The following SNTG2 variants were observed in gnomAD, a reference collection of about 807,000 sequenced individuals.
The protein encoded by SNTG2 is gamma-2-syntrophin.
A neutral mutation model predicts 70.9 loss-of-function variants in SNTG2; 74 were observed. The ratio of observed to expected loss-of-function variants is 1.04; its 90% confidence interval spans 0.86 to 1.27. The LOEUF (loss-of-function observed/expected upper bound fraction) is 1.27. Among genes scored for constraint, SNTG2 ranks in the 50% most tolerant of loss-of-function variants. SNTG2 has a pLI of 0.00. For synonymous variants in SNTG2, 278 were observed against 273.8 expected, an observed-to-expected ratio of 1.02 and a Z score of -0.15; for missense variants, 717 against 690.7, an observed-to-expected ratio of 1.04 and a Z score of -0.43.
intron 9 of SNTG2, among the ~76,000 whole-genome samples, chr2:1,230,005 G>A (rs796754444): frequency 2.8e-4 from 42 of 152,314 alleles, no homozygotes; most frequent in African/African-American, 9.1e-4. Flanking sequence ...AGCTGAGGGA[G>A]TGGACTCCAG....
intron 2 of SNTG2, among the ~76,000 whole-genome samples, 166 bp from the exon 3 acceptor site, chr2:1,098,030 C>T (rs565622615): frequency 4.6e-5 from 7 of 152,166 alleles, no homozygotes; most frequent in East Asian, 1.9e-4. Context: ...TGCAATACCA[C>T]GGAGTAAAGA....
chr2:1,088,550 G>A (rs957082100), intron 2 of SNTG2, among the ~76,000 whole-genome samples: 3 of 152,332 alleles, frequency 2.0e-5, no homozygotes, highest in East Asian at 3.9e-4. Flanking sequence ...ATGGAATACT[G>A]CATAAGAAGA....
chr2:1,071,741 AAGT>A (rs1663574516), intron 1 of SNTG2, among the ~76,000 whole-genome samples: 1 of 152,142 alleles, frequency 6.6e-6, no homozygotes, highest in Admixed American at 6.5e-5. Flanking sequence ...TGCAACAAAC[AAGT>A]AGTCAGGTGG....
intron 6 of SNTG2, among the ~76,000 whole-genome samples, chr2:1,155,242 GACATACACACACCACACAC>G (rs1401472290): frequency 1.6e-4 from 23 of 143,422 alleles, no homozygotes; most frequent in Non-Finnish European, 3.5e-4. Context: ...AATATATATG[GACATACACACACCACACAC>G]ACATACCCAC....
At chr2:1,298,202 G>A (rs939355756) in intron 14 of SNTG2, among the ~76,000 whole-genome samples, 5 of 151,800 alleles carry the variant, frequency 3.3e-5, no homozygotes, top group Admixed American at 2.0e-4. Context: ...GCATGATCTC[G>A]GCTCACTGCA....
chr2:1,309,787 G>A (rs1680891372), intron 15 of SNTG2, among the ~76,000 whole-genome samples: 1 of 152,236 alleles, frequency 6.6e-6, no homozygotes, highest in Non-Finnish European at 1.5e-5. Flanking sequence ...AAGAAGAAGG[G>A]ATTTCACATC....
chr2:1,162,502 G>A (rs987001916), intron 6 of SNTG2, among the ~76,000 whole-genome samples: 6 of 152,262 alleles, frequency 3.9e-5, no homozygotes, highest in East Asian at 1.9e-4. Context: ...CTGAGCTCCC[G>A]GGACAACTAG....
chr2:1,063,584 C>T (rs1395493309), intron 1 of SNTG2, among the ~76,000 whole-genome samples: 1 of 152,068 alleles, frequency 6.6e-6, no homozygotes, highest in Non-Finnish European at 1.5e-5. Flanking sequence ...TAACTATGAC[C>T]CACATGTGTG....
At chr2:1,080,998 C>T (rs4971371) in intron 1 of SNTG2, among the ~76,000 whole-genome samples, 84,672 of 151,866 alleles carry the variant, frequency 0.56, 24,047 homozygotes, top group East Asian at 0.63. Context: ...TGGCAGGGAG[C>T]GTGAGAACCA....
chr2:1,051,448 A>G (rs1201817198), intron 1 of SNTG2, among the ~76,000 whole-genome samples: 3 of 152,166 alleles, frequency 2.0e-5, no homozygotes, highest in East Asian at 3.8e-4. Context: ...TTAATCAATG[A>G]TCATATAAGT....
At chr2:1,171,565 C>T (rs28433378) in intron 7 of SNTG2, among the ~76,000 whole-genome samples, 46,670 of 151,780 alleles carry the variant, frequency 0.31, 7,719 homozygotes, top group East Asian at 0.65. Context: ...CCCTGTGAAA[C>T]GCTCTGGGTG....
chr2:1,285,052 C>T (rs1679712466), intron 14 of SNTG2, among the ~76,000 whole-genome samples: 1 of 151,970 alleles, frequency 6.6e-6, no homozygotes, highest in South Asian at 2.1e-4. Flanking sequence ...AGCTGAGGAG[C>T]AAGGAAGCCA....
chr2:1,080,059 C>T (rs574811818), intron 1 of SNTG2, among the ~76,000 whole-genome samples: 223 of 152,298 alleles, frequency 1.5e-3, no homozygotes, highest in Non-Finnish European at 2.4e-3. Flanking sequence ...CCCCTGAGGT[C>T]CTCCATGAGA....
chr2:1,152,306 C>T (rs1041116168), intron 6 of SNTG2, among the ~76,000 whole-genome samples: 2 of 151,880 alleles, frequency 1.3e-5, no homozygotes, highest in Admixed American at 6.5e-5. Context: ...TAGGGCTCCA[C>T]CAAAGAAACA....
At chr2:1,263,367 A>G (rs1159270750) in intron 13 of SNTG2, among the ~76,000 whole-genome samples, 1 of 152,228 alleles carries the variant, frequency 6.6e-6, no homozygotes, top group Non-Finnish European at 1.5e-5. Context: ...ATTAATAATT[A>G]TTGACATATT....
chr2:1,235,709 A>G (rs1348973927), intron 9 of SNTG2, among the ~76,000 whole-genome samples: 3 of 152,210 alleles, frequency 2.0e-5, no homozygotes, highest in Non-Finnish European at 4.4e-5. Context: ...AGCTGGATCC[A>G]GGAAAAGCTG....
chr2:1,298,175 T>G (rs11887665), intron 14 of SNTG2, among the ~76,000 whole-genome samples: 1,767 of 152,262 alleles, frequency 0.012, 35 homozygotes, highest in African/African-American at 0.041. Flanking sequence ...CTCTGTCACC[T>G]AGGCTGGAGT....
chr2:1,234,082 G>A (rs981329073), intron 9 of SNTG2, among the ~76,000 whole-genome samples: 19 of 152,154 alleles, frequency 1.2e-4, no homozygotes, highest in African/African-American at 3.9e-4. Flanking sequence ...AGGCCTGAGC[G>A]GCCACCATGA....
At chr2:1,151,012 C>G (rs528861015) in intron 6 of SNTG2, among the ~76,000 whole-genome samples, 1 of 152,132 alleles carries the variant, frequency 6.6e-6, no homozygotes, top group Non-Finnish European at 1.5e-5. Flanking sequence ...CTGGGTGATG[C>G]ATTTGATTTG....
Sources: allele counts gnomAD v4.1 joint callset (sites outside exome capture counted in the v4.1 genomes callset), GRCh38; gene constraint gnomAD v4.1.1; transcripts MANE v1.5; gene names NCBI Gene and HGNC (gene_info 2026-07-23, HGNC 2026-07-21).